Variants in FRS2 observed in about 807,000 individuals in gnomAD.
FRS2 encodes the protein fibroblast growth factor receptor substrate 2.
In FRS2, 8 loss-of-function variants were observed where a neutral mutation model predicts 43.9. The observed-to-expected ratio is 0.18, with a 90% CI of 0.11 to 0.33. The LOEUF (loss-of-function observed/expected upper bound fraction) is 0.33, where lower values mean the gene tolerates loss of function less well. Among genes scored for constraint, FRS2 ranks in the 10% least tolerant of loss-of-function variants. The probability of loss-of-function intolerance (pLI) is 1.00; values close to 1 mark genes in which losing one functional copy is unlikely to be tolerated. For missense variants in FRS2, 534 were observed against 627.6 expected, an observed-to-expected ratio of 0.85 and a Z score of 1.59; for synonymous variants, 219 against 220.3, an observed-to-expected ratio of 0.99 and a Z score of 0.05.
rs760397670 is a variant in FRS2, at chr12:69,574,325, C to T, written c.897C>T (p.Pro299=). ...ACAGTGATGAACGAAGAGATGCACC[C>T]TCTGTTAACAAACTGGTGTATGAAA... ...GYDSDERRDA[P]SVNKLVYENI... The change falls in exon 9 of 9, where the codon CCC becomes CCT. Residue 299 remains proline, a synonymous_variant. Transcript: ENST00000549921. The T allele has an allele frequency of 4.2e-5, 68 of 1,614,042 alleles. 3 individuals are homozygous for T. The South Asian group carries it at 5.9e-4, about 14-fold the overall frequency.
intron 1 of FRS2, among the ~76,000 whole-genome samples, chr12:69,494,864 C>A (rs1872743038): frequency 6.6e-6 from 1 of 152,140 alleles, no homozygotes; most frequent in Non-Finnish European, 1.5e-5. Context: ...ACCTCCACCT[C>A]CTGGGTTCAA....
In FRS2 at chr12:69,482,658, T is replaced by G. The variant is rs140468617; in HGVS notation, c.-261+12128T>G. Among the ~76,000 whole-genome samples the G allele has an allele frequency of 3.4e-4, 52 of 152,376 alleles. 1 individual carries two copies. In the East Asian group the frequency reaches 0.01, roughly 29 times the overall value. Reference sequence around the variant, plus strand: ...CTTTTGTGTGTAGTAGTCATTTATATATTTAAAATGAATGTATGTAAGAAA... The same window carrying G: ...CTTTTGTGTGTAGTAGTCATTTATAGATTTAAAATGAATGTATGTAAGAAA... On this transcript the variant is annotated intron_variant, in intron 1 of 8. Transcript: ENST00000549921.
chr12:69,559,119 C>T (rs1008131613), intron 3 of FRS2, among the ~76,000 whole-genome samples: 5 of 151,994 alleles, frequency 3.3e-5, no homozygotes, highest in African/African-American at 7.2e-5. Flanking sequence ...GAGACCAGCC[C>T]GGGCAACATA....
intron 3 of FRS2, among the ~76,000 whole-genome samples, 163 bp downstream of exon 3, chr12:69,532,219 A>G (rs1274641160): frequency 6.6e-6 from 1 of 152,222 alleles, no homozygotes; most frequent in Non-Finnish European, 1.5e-5. Context: ...AGAATTTGCT[A>G]GCAAGACACA....
rs985549397 is a variant in FRS2 at position 69,576,395 on chromosome 12, G to A, written c.*1440G>A. 1 of 152,198 alleles carries A rather than the reference G, an allele frequency of 6.6e-6. No individual in the cohort carries two copies. Among genetic ancestry groups the A allele is most frequent in the Non-Finnish European group, 1.5e-5 (1 of 68,040 alleles). The allele number at this position is 152,198 out of a possible 1,614,324, so 9.4% of individuals were successfully genotyped here. On this transcript the variant is annotated 3_prime_UTR_variant, in exon 9 of 9. Transcript: ENST00000549921. The stretch of plus-strand genomic sequence containing the variant: ...AAATGAATTAAAGTTTATATAAACT[G>A]AAGAGTCTCCATATGTCAAACTCTT...
intron 1 of FRS2, among the ~76,000 whole-genome samples, chr12:69,481,028 C>T (rs528732371): frequency 1.1e-4 from 16 of 152,264 alleles, no homozygotes; most frequent in Non-Finnish European, 1.8e-4. Flanking sequence ...TTTTCTTAAA[C>T]GTTTTATTTT....
intron 1 of FRS2, among the ~76,000 whole-genome samples, chr12:69,496,905 C>A (rs768896404): frequency 6.6e-6 from 1 of 152,198 alleles, no homozygotes; most frequent in African/African-American, 2.4e-5. Context: ...TTCTAAGTTA[C>A]ACACACTCTG....
intron 4 of FRS2, among the ~76,000 whole-genome samples, chr12:69,567,291 T>C (rs1441606638): frequency 6.6e-6 from 1 of 152,190 alleles, no homozygotes; most frequent in Non-Finnish European, 1.5e-5. Flanking sequence ...ATACCAAATA[T>C]CATGAGTCTT....
chr12:69,497,277 C>G (rs1205924826), intron 1 of FRS2, among the ~76,000 whole-genome samples: 1 of 152,162 alleles, frequency 6.6e-6, no homozygotes, highest in Admixed American at 6.5e-5. Flanking sequence ...GCTTAGTGCT[C>G]TTAGTGTCTT....
rs976044934 is a variant in FRS2, at chr12:69,575,064, T to A, written c.*109T>A. On this transcript the variant is annotated 3_prime_UTR_variant, in exon 9 of 9. Coordinates refer to ENST00000549921, the MANE Select transcript of FRS2 (RefSeq NM_001278356.2). Reference sequence around the variant, plus strand: ...TAACTCCTTTTATAGACTGATAAAATTTTTTTCTGAATATTTCATGTGCAT... The same window carrying A: ...TAACTCCTTTTATAGACTGATAAAAATTTTTTCTGAATATTTCATGTGCAT... The A allele has an allele frequency of 2.4e-5, 17 of 704,956 alleles. No individual in the cohort carries two copies. The highest frequency in any genetic ancestry group is 1.3e-4 in the African/African-American group (7 of 55,774). 43.7% of individuals were successfully genotyped at this position (704,956 alleles called of 1,614,324 possible).
At chr12:69,475,745 T>C (rs1434991471) in intron 1 of FRS2, among the ~76,000 whole-genome samples, 9 of 152,120 alleles carry the variant, frequency 5.9e-5, no homozygotes, top group Non-Finnish European at 7.4e-5. Flanking sequence ...TATCATCACT[T>C]TCCTTTTCTC....
intron 1 of FRS2, among the ~76,000 whole-genome samples, chr12:69,519,675 T>G (rs1425968226): frequency 6.6e-6 from 1 of 152,234 alleles, no homozygotes; most frequent in Non-Finnish European, 1.5e-5. Flanking sequence ...TTTCTGTTCC[T>G]GTGTTAGTTT....
intron 4 of FRS2, among the ~76,000 whole-genome samples, chr12:69,563,845 A>G (rs1176797259): frequency 6.6e-6 from 1 of 152,096 alleles, no homozygotes; most frequent in Non-Finnish European, 1.5e-5. Context: ...CTCTCTCCTC[A>G]GAGAATGAAG....
In FRS2 at chr12:69,555,869, C is replaced by CT. The variant is rs1879292714; in HGVS notation, c.-121-6308dup. Among the ~76,000 whole-genome samples the CT allele has an allele frequency of 2.0e-5, 3 of 152,104 alleles. No homozygotes were observed. In the South Asian group the frequency reaches 6.2e-4, roughly 32 times the overall value. On this transcript the variant is annotated intron_variant, in intron 3 of 8. Transcript: ENST00000549921. ...AGAATAAATAGGCAAATTTAGTTTT[C>CT]TTTGAGAATATATTTAACAATATTT...
At chr12:69,470,613 G>T (rs752438986) in intron 1 of FRS2, 83 bp downstream of exon 1, 9 of 345,394 alleles carry the variant, frequency 2.6e-5, no homozygotes, top group Admixed American at 1.0e-4. Context: ...CCCGCTTCGG[G>T]ATCCGGGCTG....
At chr12:69,498,163 A>G (rs1419163557) in intron 1 of FRS2, among the ~76,000 whole-genome samples, 1 of 152,212 alleles carries the variant, frequency 6.6e-6, no homozygotes, top group Admixed American at 6.5e-5. Flanking sequence ...TTAGGATTAC[A>G]AAGAAGACAT....
chr12:69,567,015 T>C (rs1026491572), intron 4 of FRS2, among the ~76,000 whole-genome samples: 17 of 152,230 alleles, frequency 1.1e-4, no homozygotes, highest in Admixed American at 9.2e-4. Flanking sequence ...TTGCTTAGCA[T>C]GTTGTTTCTG....
chr12:69,538,197 T>TTATATATATATATATATATA (rs151295024), intron 3 of FRS2, among the ~76,000 whole-genome samples: 2,565 of 80,148 alleles, frequency 0.032, 97 homozygotes, highest in South Asian at 0.062. Flanking sequence ...AAAACAAATT[T>TTATATATATATATATATATA]TATATATATA....
At chr12:69,496,363 C>T (rs1049440014) in intron 1 of FRS2, among the ~76,000 whole-genome samples, 7 of 151,600 alleles carry the variant, frequency 4.6e-5, no homozygotes, top group African/African-American at 7.3e-5. Context: ...CTTGAACCGG[C>T]GAGGCGGAGG....
Sources: allele counts gnomAD v4.1 joint callset (sites outside exome capture counted in the v4.1 genomes callset), GRCh38; gene constraint gnomAD v4.1.1; transcripts MANE v1.5; gene names NCBI Gene and HGNC (gene_info 2026-07-23, HGNC 2026-07-21).